MEGF11: variants seen among roughly 807,000 people sequenced by gnomAD.
MEGF11 encodes multiple EGF like domains 11.
A neutral mutation model predicts 146.6 loss-of-function variants in MEGF11; 126 were observed. The observed-to-expected ratio is 0.86, with a 90% confidence interval of 0.74 to 1.00. The LOEUF is 1.00. Ranked by LOEUF, MEGF11 falls within the 50% of genes least tolerant of loss-of-function variation. The probability of loss-of-function intolerance (pLI) is 0.00; values close to 1 mark genes in which losing one functional copy is unlikely to be tolerated. For synonymous variants in MEGF11, 532 were observed against 583.4 expected, an observed-to-expected ratio of 0.91 and a Z score of 1.27; for missense variants, 1,509 against 1,521.2, an observed-to-expected ratio of 0.99 and a Z score of 0.13.
At chr15:66,222,144 T>G (rs2091753068) in intron 1 of MEGF11, among the ~76,000 whole-genome samples, 1 of 152,218 alleles carries the variant, frequency 6.6e-6, no homozygotes, top group Admixed American at 6.5e-5. Flanking sequence ...TAGGAGGCCT[T>G]GAGGACAGGC....
At chr15:66,149,525 T>C (rs1412580362) in intron 1 of MEGF11, among the ~76,000 whole-genome samples, 1 of 152,286 alleles carries the variant, frequency 6.6e-6, no homozygotes, top group African/African-American at 2.4e-5. Flanking sequence ...CTTTCCACTG[T>C]CACACCCCCC....
rs781588532 is a variant in MEGF11, at chr15:65,916,944, C to T, written c.2099G>A (p.Gly700Glu). The change falls in exon 17 of 26, where the codon GGG becomes GAG. Residue 700 changes from glycine to glutamate, a missense_variant. Physicochemically the swap from Gly to Glu is moderately conservative, Grantham distance 98 (BLOSUM62 -2). Coordinates refer to ENST00000395614, the MANE Select transcript of MEGF11 (RefSeq NM_001385028.1). Reference protein sequence around the residue: ...GKDCSQACPPGFWGPACFHAC... With the variant: ...GKDCSQACPPEFWGPACFHAC... Reference sequence around the variant, plus strand: ...GTGGAAGCAGGCGGGGCCCCAGAACCCGGGTGGGCAAGCTGGGATGTCGGT... The same window carrying T: ...GTGGAAGCAGGCGGGGCCCCAGAACTCGGGTGGGCAAGCTGGGATGTCGGT... 2.0e-6 allele frequency: 3 copies of T among 1,519,242 alleles called. No homozygotes were observed. In the East Asian group the frequency reaches 7.3e-5, roughly 37 times the overall value. The allele number at this position is 1,519,242 out of a possible 1,614,324, so 94.1% of individuals were successfully genotyped here.
At chr15:65,898,179 G>A in intron 25 of MEGF11, 85 bp from the exon 26 acceptor site, 1 of 1,491,132 alleles carries the variant, frequency 6.7e-7, no homozygotes. Flanking sequence ...TACTTAACTT[G>A]GGGAAAGGAG....
intron 1 of MEGF11, among the ~76,000 whole-genome samples, chr15:66,184,091 G>T (rs2090628441): frequency 6.6e-6 from 1 of 152,118 alleles, no homozygotes; most frequent in South Asian, 2.1e-4. Flanking sequence ...GGGGACAGAT[G>T]AATTAACAAA....
chr15:66,141,504 G>A (rs1319267315), intron 1 of MEGF11, among the ~76,000 whole-genome samples: 2 of 151,968 alleles, frequency 1.3e-5, no homozygotes, highest in Non-Finnish European at 2.9e-5. Flanking sequence ...TCTGTTAGCT[G>A]AGAGGAAGCC....
intron 1 of MEGF11, among the ~76,000 whole-genome samples, chr15:66,157,668 G>A (rs1243405129): frequency 1.3e-5 from 2 of 152,210 alleles, no homozygotes; most frequent in Admixed American, 1.3e-4. Flanking sequence ...CACCTGTCCT[G>A]CAGACGCCTG....
chr15:66,166,685 G>A (rs768067028), intron 1 of MEGF11, among the ~76,000 whole-genome samples: 4 of 151,350 alleles, frequency 2.6e-5, no homozygotes, highest in Non-Finnish European at 5.9e-5. Context: ...GGCCTCTGAT[G>A]TACTTCCTTT....
At chr15:66,225,725 C>A (rs183999797) in intron 1 of MEGF11, among the ~76,000 whole-genome samples, 5 of 152,180 alleles carry the variant, frequency 3.3e-5, no homozygotes. Flanking sequence ...CACACACACA[C>A]GCACACTATC....
Position 66,075,309 on chromosome 15 carries a change from G to T in MEGF11, c.394+19093C>A, listed in dbSNP as rs556527260. 3.3e-5 allele frequency among the ~76,000 whole-genome samples: 5 copies of T among 152,270 alleles called. No homozygotes were observed. In the South Asian group the frequency reaches 1.0e-3, roughly 32 times the overall value. On this transcript the variant is annotated intron_variant, in intron 5 of 25. Coordinates refer to ENST00000395614, the MANE Select transcript of MEGF11 (RefSeq NM_001385028.1). ...AGCACAGATCTGGGCTTACAGCAAG[G>T]GCTCTATGGAGACTTAATGACATGG...
At chr15:66,048,071 T>C (rs1468910269) in intron 5 of MEGF11, among the ~76,000 whole-genome samples, 1 of 151,400 alleles carries the variant, frequency 6.6e-6, no homozygotes, top group East Asian at 2.0e-4. Context: ...TCAGCCTCCC[T>C]AGAAGCTGGG....
chr15:66,092,593 C>T (rs939626383), intron 5 of MEGF11, among the ~76,000 whole-genome samples: 5 of 152,216 alleles, frequency 3.3e-5, no homozygotes, highest in Non-Finnish European at 7.3e-5. Flanking sequence ...CTCTAAACTG[C>T]CTAGTCCTGT....
intron 12 of MEGF11, among the ~76,000 whole-genome samples, 178 bp downstream of exon 12, chr15:65,929,542 G>A (rs1050894282): frequency 4.6e-5 from 7 of 152,186 alleles, no homozygotes; most frequent in African/African-American, 1.4e-4. Flanking sequence ...AGGGGGATGA[G>A]GGCCAAAGTA....
intron 1 of MEGF11, among the ~76,000 whole-genome samples, chr15:66,147,548 C>A (rs546236406): frequency 1.2e-3 from 184 of 152,326 alleles, no homozygotes; most frequent in African/African-American, 4.2e-3. Context: ...GAGGAAGGGG[C>A]ACACATGCTG....
intron 5 of MEGF11, among the ~76,000 whole-genome samples, chr15:66,019,312 G>A (rs1291819533): frequency 6.6e-6 from 1 of 152,110 alleles, no homozygotes; most frequent in Non-Finnish European, 1.5e-5. Context: ...ATTTACTTGG[G>A]GAAAAAAACC....
intron 7 of MEGF11, among the ~76,000 whole-genome samples, chr15:65,975,910 C>G (rs1384553303): frequency 6.6e-6 from 1 of 152,168 alleles, no homozygotes; most frequent in African/African-American, 2.4e-5. Flanking sequence ...TCACCCACTG[C>G]TGGCTGGAAG....
intron 5 of MEGF11, among the ~76,000 whole-genome samples, chr15:66,010,828 C>T (rs1030522233): frequency 2.0e-5 from 3 of 152,198 alleles, no homozygotes; most frequent in African/African-American, 7.2e-5. Context: ...TAACTGGGCT[C>T]CAGTCCATGT....
intron 1 of MEGF11, among the ~76,000 whole-genome samples, chr15:66,169,576 A>G (rs2090190155): frequency 6.6e-6 from 1 of 152,262 alleles, no homozygotes; most frequent in Admixed American, 6.5e-5. Context: ...ATCCATAGTA[A>G]TAGCTAAAGT....
chr15:66,111,179 GAGC>G (rs1324335814), intron 4 of MEGF11, among the ~76,000 whole-genome samples: 2 of 152,198 alleles, frequency 1.3e-5, no homozygotes, highest in African/African-American at 4.8e-5. Context: ...CCAGTCTACT[GAGC>G]AGATGATATA....
intron 5 of MEGF11, among the ~76,000 whole-genome samples, chr15:65,993,062 C>T (rs572529787): frequency 1.1e-3 from 161 of 152,340 alleles, no homozygotes; most frequent in African/African-American, 3.5e-3. Flanking sequence ...GGTCTCCAGA[C>T]GGTGCTGATC....
Sources: gnomAD v4.1 joint callset for allele counts (sites outside exome capture counted in the v4.1 genomes callset) on GRCh38, gnomAD v4.1.1 for gene constraint, MANE v1.5 for transcripts, NCBI Gene and HGNC (gene_info 2026-07-23, HGNC 2026-07-21) for gene names.